B3GALT1: variants seen among roughly 807,000 people sequenced by gnomAD.
B3GALT1 encodes UDP-Gal:betaGlcNAc beta 1,3-galactosyltransferase, polypeptide 1.
B3GALT1 carries 10 observed loss-of-function variants against 23.2 expected under a neutral mutation model. That is an observed-to-expected ratio of 0.43 (90% confidence interval 0.27 to 0.73). The LOEUF (loss-of-function observed/expected upper bound fraction) is 0.73, where lower values mean the gene tolerates loss of function less well. Ranked by LOEUF, B3GALT1 falls within the 30% of genes least tolerant of loss-of-function variation. B3GALT1 has a pLI of 0.21. For missense variants in B3GALT1, 299 were observed against 405.4 expected (o/e 0.74, Z 2.25); for synonymous variants, 156 against 141.5 (o/e 1.10, Z -0.73).
chr2:167,446,521 C>T (rs1243235770), intron 1 of B3GALT1, among the ~76,000 whole-genome samples: 1 of 152,160 alleles, frequency 6.6e-6, no homozygotes, highest in Admixed American at 6.5e-5. Context: ...TAGATTTGGT[C>T]TTTTCACATG....
At chr2:167,779,235 G>C (rs992278940) in intron 3 of B3GALT1, among the ~76,000 whole-genome samples, 1 of 151,378 alleles carries the variant, frequency 6.6e-6, no homozygotes, top group Non-Finnish European at 1.5e-5. Context: ...CACATTTTTG[G>C]AGGCTGTTTA....
intron 1 of B3GALT1, among the ~76,000 whole-genome samples, chr2:167,392,053 T>C (rs1054257135): frequency 2.0e-5 from 3 of 152,022 alleles, no homozygotes; most frequent in Admixed American, 1.3e-4. Flanking sequence ...CAGTTCTGGG[T>C]GTGTTTTTCT....
chr2:167,804,539 C>T (rs1025374893), intron 3 of B3GALT1, among the ~76,000 whole-genome samples: 4 of 142,274 alleles, frequency 2.8e-5, no homozygotes, highest in African/African-American at 5.3e-5. Context: ...CATGTGTTCT[C>T]ATTGTTCAAT....
chr2:167,525,429 A>G (rs1334292509), intron 2 of B3GALT1, among the ~76,000 whole-genome samples: 1 of 151,968 alleles, frequency 6.6e-6, no homozygotes, highest in East Asian at 1.9e-4. Context: ...ATTTTGTAAT[A>G]TTTTTAAATT....
chr2:167,423,468 AAT>A (rs1698578153), intron 1 of B3GALT1, among the ~76,000 whole-genome samples: 1 of 152,206 alleles, frequency 6.6e-6, no homozygotes, highest in South Asian at 2.1e-4. Context: ...CGATCTATGC[AAT>A]AAACCAGTTA....
intron 3 of B3GALT1, among the ~76,000 whole-genome samples, chr2:167,742,049 A>G (rs570588532): frequency 1.6e-3 from 244 of 152,290 alleles, no homozygotes; most frequent in African/African-American, 5.3e-3. Context: ...AACGACTCCA[A>G]ATGACTCTAG....
At chr2:167,428,551 A>C (rs1698657007) in intron 1 of B3GALT1, among the ~76,000 whole-genome samples, 1 of 152,066 alleles carries the variant, frequency 6.6e-6, no homozygotes, top group Admixed American at 6.5e-5. Context: ...GGTGGTAAGC[A>C]CTTGTAATCC....
intron 3 of B3GALT1, among the ~76,000 whole-genome samples, chr2:167,699,116 T>C (rs1574219435): frequency 6.6e-6 from 1 of 152,314 alleles, no homozygotes; most frequent in South Asian, 2.1e-4. Flanking sequence ...CTTTTTCGGT[T>C]ACGGGAAAGA....
intron 1 of B3GALT1, among the ~76,000 whole-genome samples, chr2:167,476,401 C>A (rs1180776911): frequency 6.6e-6 from 1 of 152,118 alleles, no homozygotes; most frequent in African/African-American, 2.4e-5. Flanking sequence ...TAGAAAATAT[C>A]ATATTTGCCC....
intron 1 of B3GALT1, among the ~76,000 whole-genome samples, chr2:167,424,036 C>T (rs1420397585): frequency 6.6e-6 from 1 of 152,170 alleles, no homozygotes; most frequent in African/African-American, 2.4e-5. Flanking sequence ...TATCATTACA[C>T]AAGACAGAAA....
intron 1 of B3GALT1, among the ~76,000 whole-genome samples, chr2:167,483,091 C>A (rs1285577523): frequency 6.6e-6 from 1 of 151,750 alleles, no homozygotes; most frequent in African/African-American, 2.4e-5. Flanking sequence ...GATGGGAGTT[C>A]GAGACCAGCC....
chr2:167,540,984 G>A (rs1396749909), intron 2 of B3GALT1, among the ~76,000 whole-genome samples: 6 of 151,236 alleles, frequency 4.0e-5, no homozygotes, highest in Admixed American at 2.6e-4. Flanking sequence ...TTGTTTGGAT[G>A]AAATTCTGAA....
chr2:167,563,123 A>T (rs1388870304), intron 2 of B3GALT1, among the ~76,000 whole-genome samples: 4 of 150,822 alleles, frequency 2.7e-5, no homozygotes, highest in Non-Finnish European at 5.9e-5. Context: ...ATTCCACAAA[A>T]CCGCCATTGT....
At chr2:167,848,223 C>G (rs1437404280) in intron 4 of B3GALT1, among the ~76,000 whole-genome samples, 1 of 151,988 alleles carries the variant, frequency 6.6e-6, no homozygotes, top group East Asian at 1.9e-4. Context: ...CAGAAGGAAC[C>G]CTCCCTAATT....
intron 1 of B3GALT1, among the ~76,000 whole-genome samples, chr2:167,382,948 A>G (rs1697865925): frequency 6.6e-6 from 1 of 152,186 alleles, no homozygotes; most frequent in African/African-American, 2.4e-5. Flanking sequence ...AATGTGTTAA[A>G]GGTACAAACC....
chr2:167,422,620 A>G lies in B3GALT1; in HGVS notation c.-510-67557A>G, dbSNP rs866104457. On this transcript the variant is annotated intron_variant, in intron 1 of 4. Transcript: ENST00000392690. ...CCATGAGTGTACTTGACTTGAGTCT[A>G]CTGGAGATTGGGAGGGAGAGTGGTT... Among the ~76,000 whole-genome samples, 7 of 152,166 alleles carry G rather than the reference A, an allele frequency of 4.6e-5. No homozygotes were observed. In the South Asian group the frequency reaches 1.2e-3, roughly 27 times the overall value.
At position 167,743,001 on chromosome 2, in the gene B3GALT1, T is replaced by G. The variant is rs564053577; in HGVS notation, c.-351-75671T>G. Among the ~76,000 whole-genome samples, 252 of 152,296 alleles carry G rather than the reference T, an allele frequency of 1.7e-3. 1 individual carries two copies. The highest frequency in any genetic ancestry group is 5.8e-3 in the African/African-American group (242 of 41,584). On this transcript the variant is annotated intron_variant, in intron 3 of 4. Transcript: ENST00000392690. ...TGCTTGGTTTTCCTTGGTTTTACAC[T>G]TCATAAAAACCATATCATACTACAT...
chr2:167,420,928 G>A (rs759044657), intron 1 of B3GALT1, among the ~76,000 whole-genome samples: 2 of 152,154 alleles, frequency 1.3e-5, no homozygotes, highest in Non-Finnish European at 2.9e-5. Flanking sequence ...TCAAAAGTAA[G>A]TAGCTAAAAA....
At chr2:167,372,464 C>A (rs1445857410) in intron 1 of B3GALT1, among the ~76,000 whole-genome samples, 1 of 152,014 alleles carries the variant, frequency 6.6e-6, no homozygotes, top group African/African-American at 2.4e-5. Flanking sequence ...CCCCTTCCAC[C>A]ACTTCTATTC....
Sources: gnomAD v4.1 joint callset for allele counts (sites outside exome capture counted in the v4.1 genomes callset) on GRCh38, gnomAD v4.1.1 for gene constraint, MANE v1.5 for transcripts, NCBI Gene and HGNC (gene_info 2026-07-23, HGNC 2026-07-21) for gene names.